MARCHF10: variants seen among roughly 807,000 people sequenced by gnomAD.
The protein encoded by MARCHF10 is membrane associated ring-CH-type finger 10.
MARCHF10 carries 64 observed loss-of-function variants against 76.2 expected under a neutral mutation model. The observed-to-expected ratio is 0.84, with a 90% CI of 0.69 to 1.03. The LOEUF (loss-of-function observed/expected upper bound fraction) is 1.03. Among genes scored for constraint, MARCHF10 ranks in the 50% least tolerant of loss-of-function variants. The probability of loss-of-function intolerance (pLI) is 0.00; values close to 1 mark genes in which losing one functional copy is unlikely to be tolerated. For missense variants in MARCHF10, 875 were observed against 958.0 expected (o/e 0.91, Z 1.14); for synonymous variants, 340 against 357.5 (o/e 0.95, Z 0.55).
At chr17:62,791,832 C>T (rs1252675476) in intron 2 of MARCHF10, among the ~76,000 whole-genome samples, 3 of 131,664 alleles carry the variant, frequency 2.3e-5, no homozygotes, top group South Asian at 2.8e-4. Context: ...TGTTTTTGTG[C>T]GGGGCGGGTG....
At chr17:62,708,332 G>T (rs998967919) in intron 9 of MARCHF10, among the ~76,000 whole-genome samples, 1 of 150,706 alleles carries the variant, frequency 6.6e-6, no homozygotes, top group Admixed American at 6.6e-5. Flanking sequence ...TGCAAGCTCT[G>T]CCTCCCGGGT....
At chr17:62,733,728 G>GAAT (rs1008566697) in intron 6 of MARCHF10, among the ~76,000 whole-genome samples, 9 of 152,184 alleles carry the variant, frequency 5.9e-5, no homozygotes, top group African/African-American at 2.2e-4. Flanking sequence ...CCATATGAGA[G>GAAT]AATACTTTGT....
rs754897213 is a variant in MARCHF10, at chr17:62,701,743, T to C, written c.2387A>G (p.Asp796Gly). The C allele has an allele frequency of 5.6e-6, 9 of 1,614,010 alleles. No homozygotes were observed. In the South Asian group the frequency reaches 6.6e-5, roughly 12 times the overall value. ...TEENENSELG[D>G]GNEGSISQSQ... ...TTGAGAAATGCTGCCTTCATTTCCATCTCCCAACTCCGAATCTGGAAGGCA... is the reference window on the plus strand; with the variant it reads ...TTGAGAAATGCTGCCTTCATTTCCACCTCCCAACTCCGAATCTGGAAGGCA... Residue 796 changes from aspartate (D) to glycine (G), a missense_variant, in exon 11 of 11, where the codon GAT (aspartate) becomes GGT (glycine). Coordinates refer to ENST00000311269, the MANE Select transcript of MARCHF10 (RefSeq NM_152598.4).
chr17:62,729,980 G>A (rs905825568), intron 6 of MARCHF10, among the ~76,000 whole-genome samples: 2 of 152,190 alleles, frequency 1.3e-5, no homozygotes, highest in East Asian at 1.9e-4. Context: ...TCAGGGGTTC[G>A]AGACCAGCCT....
At chr17:62,760,873 G>A (rs2092184413) in intron 3 of MARCHF10, among the ~76,000 whole-genome samples, 1 of 152,204 alleles carries the variant, frequency 6.6e-6, no homozygotes, top group Admixed American at 6.5e-5. Flanking sequence ...GGGGCACTAA[G>A]CTCTCTCCTC....
At chr17:62,791,006 T>C (rs2148133340) in intron 2 of MARCHF10, among the ~76,000 whole-genome samples, 2 of 152,350 alleles carry the variant, frequency 1.3e-5, no homozygotes, top group South Asian at 4.1e-4. Context: ...TTTCAAAAAC[T>C]ATGCCACATA....
intron 2 of MARCHF10, among the ~76,000 whole-genome samples, chr17:62,793,490 T>TCAC (rs1158412681): frequency 3.0e-5 from 2 of 65,654 alleles, no homozygotes; most frequent in Non-Finnish European, 5.7e-5. Flanking sequence ...ACCACCTCCA[T>TCAC]CACCACCACC....
At chr17:62,798,324 T>C (rs2093017999) in intron 2 of MARCHF10, among the ~76,000 whole-genome samples, 1 of 151,468 alleles carries the variant, frequency 6.6e-6, no homozygotes, top group Non-Finnish European at 1.5e-5. Flanking sequence ...GAGAGTGTGA[T>C]GTCAGAGAGC....
chr17:62,797,015 C>CA lies in MARCHF10; in HGVS notation c.90+4630dup, dbSNP rs2148188236. On this transcript the variant is annotated intron_variant, in intron 2 of 10. Coordinates refer to ENST00000311269, the MANE Select transcript of MARCHF10 (RefSeq NM_152598.4). Reference sequence around the variant, plus strand: ...TGGACAACAGAGCAAGACCATGTCTCAAAAAAAAGAGGGAGAAAAAAAGAC... The same window carrying CA: ...TGGACAACAGAGCAAGACCATGTCTCAAAAAAAAAGAGGGAGAAAAAAAGAC... Among the ~76,000 whole-genome samples, 2 of 150,490 alleles carry CA rather than the reference C, an allele frequency of 1.3e-5. 1 individual carries two copies. The highest frequency in any genetic ancestry group is 3.9e-4 in the East Asian group (2 of 5,140).
chr17:62,767,904 A>G (rs1367767433), intron 3 of MARCHF10, among the ~76,000 whole-genome samples: 1 of 152,142 alleles, frequency 6.6e-6, no homozygotes, highest in Non-Finnish European at 1.5e-5. Flanking sequence ...GCCCCACTGC[A>G]ACTCAGGAGA....
intron 5 of MARCHF10, among the ~76,000 whole-genome samples, chr17:62,739,885 A>C (rs1205639728): frequency 6.6e-6 from 1 of 152,188 alleles, no homozygotes; most frequent in Non-Finnish European, 1.5e-5. Flanking sequence ...CATCTCATAG[A>C]GGCCACTGAG....
chr17:62,742,262 C>T (rs137878526), intron 5 of MARCHF10, among the ~76,000 whole-genome samples: 245 of 151,990 alleles, frequency 1.6e-3, no homozygotes, highest in African/African-American at 5.6e-3. Context: ...TCAAATGATC[C>T]GCCCACCTCA....
At chr17:62,759,763 G>GC in intron 4 of MARCHF10, 72 bp downstream of exon 4, 1 of 1,498,902 alleles carries the variant, frequency 6.7e-7, no homozygotes, top group Non-Finnish European at 9.1e-7. Flanking sequence ...GAGCCACCGT[G>GC]CTCGGCCTGT....
rs1030357939 is a variant in MARCHF10, at chr17:62,705,147, A to G, written c.2371+392T>C. On this transcript the variant is annotated intron_variant, in intron 10 of 10. Coordinates refer to ENST00000311269, the MANE Select transcript of MARCHF10 (RefSeq NM_152598.4). ...TGGTCCCTTCAGGTAAGGGCCAGAC[A>G]GCCCCTGCCAGGGCTTGGGGAGGGT... The G allele has an allele frequency of 4.3e-6, 5 of 1,170,214 alleles. No homozygotes were observed. The African/African-American group carries it at 6.5e-5, about 15-fold the overall frequency. The allele number at this position is 1,170,214 out of a possible 1,614,324, so 72.5% of individuals were successfully genotyped here. A position where few individuals can be genotyped will look rare whatever the true frequency, so the allele number is the denominator to read the frequency against.
At chr17:62,781,615 G>C (rs985551780) in intron 3 of MARCHF10, among the ~76,000 whole-genome samples, 14 of 152,226 alleles carry the variant, frequency 9.2e-5, no homozygotes, top group African/African-American at 3.4e-4. Context: ...CCAGCAGTTA[G>C]AGCCACTGGT....
In MARCHF10 at chr17:62,759,840, G is replaced by A. The variant is rs758165055; in HGVS notation, c.377C>T (p.Ser126Phe). Residue 126 changes from serine (S) to phenylalanine (F), a missense_variant, in exon 4 of 11, where the codon TCT becomes TTT. By Grantham distance (155) the Ser-to-Phe change is radical (BLOSUM62 -2). Coordinates refer to ENST00000311269, the MANE Select transcript of MARCHF10 (RefSeq NM_152598.4). ...KAEKVDPSEPSPADQAPMVLL... is the reference protein window; with the variant it reads ...KAEKVDPSEPFPADQAPMVLL... ...TCAATAAGCCAGCCACTCACCTGGAGAGGGTTCGCTGGGGTCCACTTTCTC... is the reference window on the plus strand; with the variant it reads ...TCAATAAGCCAGCCACTCACCTGGAAAGGGTTCGCTGGGGTCCACTTTCTC... 13 of 1,613,646 alleles carry A rather than the reference G, an allele frequency of 8.1e-6. No individual in the cohort carries two copies. The highest frequency in any genetic ancestry group is 1.1e-5 in the Non-Finnish European group (13 of 1,179,886).
At chr17:62,720,698 G>C (rs1377340595) in intron 8 of MARCHF10, among the ~76,000 whole-genome samples, 3 of 152,186 alleles carry the variant, frequency 2.0e-5, no homozygotes, top group Non-Finnish European at 4.4e-5. Flanking sequence ...ACTCACTGAA[G>C]TGTGGGGATA....
At chr17:62,703,631 C>G (rs1205417457) in intron 10 of MARCHF10, among the ~76,000 whole-genome samples, 1 of 152,228 alleles carries the variant, frequency 6.6e-6, no homozygotes, top group Non-Finnish European at 1.5e-5. Context: ...CACCTTGGGG[C>G]CGAGAGCGGC....
intron 8 of MARCHF10, among the ~76,000 whole-genome samples, chr17:62,713,304 G>C (rs925066341): frequency 1.3e-5 from 2 of 152,192 alleles, no homozygotes; most frequent in African/African-American, 4.8e-5. Context: ...AAATCAATCA[G>C]CTAGAAAATG....
Sources: allele counts gnomAD v4.1 joint callset (sites outside exome capture counted in the v4.1 genomes callset), GRCh38; gene constraint gnomAD v4.1.1; transcripts MANE v1.5; gene names NCBI Gene and HGNC (gene_info 2026-07-23, HGNC 2026-07-21).